Variants in UNC13C observed in about 807,000 individuals in gnomAD.
UNC13C encodes unc-13 homolog C, also known as protein unc-13 homolog C.
In UNC13C, 174 loss-of-function variants were observed where a neutral mutation model predicts 245.4. The observed-to-expected ratio is 0.71, with a 90% CI of 0.63 to 0.80. The LOEUF is 0.80. Ranked by LOEUF, UNC13C falls within the 30% of genes least tolerant of loss-of-function variation. The pLI is 0.00. For synonymous variants in UNC13C, 992 were observed against 895.1 expected, an observed-to-expected ratio of 1.11 and a Z score of -1.93; for missense variants, 2,829 against 2,602.9, an observed-to-expected ratio of 1.09 and a Z score of -1.89.
At chr15:54,127,502 C>A (rs1398696801) in intron 2 of UNC13C, among the ~76,000 whole-genome samples, 1 of 151,682 alleles carries the variant, frequency 6.6e-6, no homozygotes, top group Non-Finnish European at 1.5e-5. Context: ...GGGAGTTGAA[C>A]AATGAGAACA....
intron 4 of UNC13C, among the ~76,000 whole-genome samples, chr15:54,189,833 T>C (rs2034121466): frequency 6.6e-6 from 1 of 152,116 alleles, no homozygotes; most frequent in Non-Finnish European, 1.5e-5. Context: ...GGCATCTTGA[T>C]TCTTTGATGC....
chr15:53,940,676 G>A, the UNC13C span, among the ~76,000 whole-genome samples: 1 of 151,982 alleles, frequency 6.6e-6, no homozygotes, highest in Non-Finnish European at 1.5e-5. Context: ...ACCAACAACA[G>A]ACAAGCAGAG....
chr15:54,255,192 C>T (rs755638531), intron 8 of UNC13C, among the ~76,000 whole-genome samples: 1 of 152,158 alleles, frequency 6.6e-6, no homozygotes, highest in African/African-American at 2.4e-5. Context: ...TGTTAGTCAA[C>T]TCAATTAGAC....
At chr15:54,133,215 A>C (rs1427035576) in intron 2 of UNC13C, among the ~76,000 whole-genome samples, 1 of 152,144 alleles carries the variant, frequency 6.6e-6, no homozygotes, top group Non-Finnish European at 1.5e-5. Flanking sequence ...ATATGAAGGA[A>C]AACTGAGGGT....
intron 19 of UNC13C, among the ~76,000 whole-genome samples, chr15:54,453,833 A>G (rs1891319811): frequency 1.3e-5 from 2 of 152,310 alleles, no homozygotes; most frequent in South Asian, 4.1e-4. Context: ...AAATACACAT[A>G]AAATTTACCA....
At chr15:54,519,186 G>C (rs563701) in intron 24 of UNC13C, among the ~76,000 whole-genome samples, 1 of 151,826 alleles carries the variant, frequency 6.6e-6, no homozygotes, top group South Asian at 2.1e-4. Context: ...AGGACAATCC[G>C]CATGTTAGCA....
At chr15:54,086,781 G>T (rs1284294577) in intron 2 of UNC13C, among the ~76,000 whole-genome samples, 17 of 123,358 alleles carry the variant, frequency 1.4e-4, no homozygotes, top group African/African-American at 4.1e-4. Flanking sequence ...AGTCGCCCAG[G>T]CTGGAGTGCA....
At chr15:53,933,784 G>A in the UNC13C span, among the ~76,000 whole-genome samples, 14 of 152,212 alleles carry the variant, frequency 9.2e-5, no homozygotes, top group South Asian at 2.1e-4. Context: ...TTAGGGTTCC[G>A]TTTATAAACC....
chr15:54,325,182 G>A (rs1304602775), intron 14 of UNC13C, among the ~76,000 whole-genome samples: 1 of 151,908 alleles, frequency 6.6e-6, no homozygotes, highest in East Asian at 1.9e-4. Flanking sequence ...TAATTGAGCA[G>A]TGCCCATGAT....
chr15:53,855,052 T>C, the UNC13C span, among the ~76,000 whole-genome samples: 1 of 152,108 alleles, frequency 6.6e-6, no homozygotes, highest in Non-Finnish European at 1.5e-5. Context: ...TTTCTCTTTG[T>C]AGCAATTGTG....
At chr15:54,047,864 T>G (rs1001307333) in intron 2 of UNC13C, among the ~76,000 whole-genome samples, 1 of 152,154 alleles carries the variant, frequency 6.6e-6, no homozygotes, top group African/African-American at 2.4e-5. Context: ...ATTATCAGCA[T>G]TCATATTTTT....
At chr15:53,862,045 C>T in the UNC13C span, among the ~76,000 whole-genome samples, 1,282 of 152,202 alleles carry the variant, frequency 8.4e-3, 6 homozygotes, top group Admixed American at 0.017. Context: ...ATACCATAGA[C>T]TGGGTAGCTT....
chr15:54,311,802 T>A (rs1273752257), intron 13 of UNC13C, among the ~76,000 whole-genome samples: 2 of 151,840 alleles, frequency 1.3e-5, no homozygotes, highest in South Asian at 4.1e-4. Flanking sequence ...ACAAAATTCT[T>A]GTTCAATGAT....
chr15:54,171,863 A>G (rs976514294), intron 4 of UNC13C, among the ~76,000 whole-genome samples: 4 of 152,156 alleles, frequency 2.6e-5, no homozygotes, highest in South Asian at 2.1e-4. Flanking sequence ...TAAGTGTCCC[A>G]TCAACATTTG....
chr15:54,098,087 G>A lies in UNC13C; in HGVS notation c.2984-44931G>A, dbSNP rs561931714. 5.6e-4 allele frequency among the ~76,000 whole-genome samples: 85 copies of A among 152,326 alleles called. 1 individual carries two copies. Among genetic ancestry groups the A allele is most frequent in the African/African-American group, 2.0e-3 (83 of 41,572 alleles). ...AAGATTCAGTAGTCTCAGCTGGACA[G>A]AGTGGCCAGGACAGGCCATTCTGGG... On this transcript the variant is annotated intron_variant, in intron 2 of 32. Transcript: ENST00000260323.
At chr15:54,492,128 AG>A (rs1391879087) in intron 19 of UNC13C, among the ~76,000 whole-genome samples, 2 of 152,200 alleles carry the variant, frequency 1.3e-5, no homozygotes, top group African/African-American at 4.8e-5. Flanking sequence ...TAATATTTAA[AG>A]GATTAAAAAA....
At chr15:53,983,804 T>G (rs897907168) in intron 1 of UNC13C, among the ~76,000 whole-genome samples, 14 of 151,948 alleles carry the variant, frequency 9.2e-5, no homozygotes, top group African/African-American at 3.4e-4. Flanking sequence ...AGTCAAGAAA[T>G]TCAGCTCTGG....
At chr15:53,853,901 G>C in the UNC13C span, among the ~76,000 whole-genome samples, 1 of 151,946 alleles carries the variant, frequency 6.6e-6, no homozygotes, top group Non-Finnish European at 1.5e-5. Flanking sequence ...TTAGACCTTT[G>C]TCAGATGGAT....
chr15:54,590,977 A>G (rs540541489), intron 30 of UNC13C, among the ~76,000 whole-genome samples: 14 of 152,234 alleles, frequency 9.2e-5, no homozygotes, highest in Admixed American at 2.6e-4. Context: ...TTGTATACCA[A>G]TTTTGTGAGG....
Sources: gnomAD v4.1 joint callset for allele counts (sites outside exome capture counted in the v4.1 genomes callset) on GRCh38, gnomAD v4.1.1 for gene constraint, MANE v1.5 for transcripts, NCBI Gene and HGNC (gene_info 2026-07-23, HGNC 2026-07-21) for gene names.